The following SCLT1 variants were observed in gnomAD, a reference collection of about 807,000 sequenced individuals.
The protein encoded by SCLT1 is sodium channel-associated protein 1.
SCLT1 carries 78 observed loss-of-function variants against 112.8 expected under a neutral mutation model. The observed-to-expected ratio is 0.69, with a 90% CI of 0.58 to 0.83. SCLT1 has a LOEUF of 0.83. Ranked by LOEUF, SCLT1 falls within the 40% of genes least tolerant of loss-of-function variation. SCLT1 has a pLI of 0.00. For synonymous variants in SCLT1, 257 were observed against 254.7 expected, an observed-to-expected ratio of 1.01 and a Z score of -0.09; for missense variants, 747 against 770.4, an observed-to-expected ratio of 0.97 and a Z score of 0.36.
At chr4:129,074,564 C>G (rs903202321) in intron 2 of SCLT1, among the ~76,000 whole-genome samples, 4 of 151,900 alleles carry the variant, frequency 2.6e-5, no homozygotes, top group African/African-American at 7.3e-5. Context: ...ACTGAAATTG[C>G]CTAAAAAACA....
At chr4:128,940,896 AT>A (rs1737633424) in intron 17 of SCLT1, among the ~76,000 whole-genome samples, 1 of 152,080 alleles carries the variant, frequency 6.6e-6, no homozygotes, top group Admixed American at 6.6e-5. Flanking sequence ...TTATGACTGA[AT>A]TTTAGACTCT....
chr4:128,914,141 G>GGGCA (rs1735298407), intron 18 of SCLT1, among the ~76,000 whole-genome samples: 1 of 152,088 alleles, frequency 6.6e-6, no homozygotes, highest in Non-Finnish European at 1.5e-5. Context: ...CGAGGCAGGT[G>GGGCA]GATCATGAGG....
chr4:128,896,397 G>C (rs1221396097), intron 18 of SCLT1, among the ~76,000 whole-genome samples: 1 of 152,176 alleles, frequency 6.6e-6, no homozygotes, highest in African/African-American at 2.4e-5. Flanking sequence ...CTCTGCTGCT[G>C]ATACCCAGGC....
chr4:129,058,372 C>T (rs985619016), intron 2 of SCLT1, among the ~76,000 whole-genome samples: 1 of 151,900 alleles, frequency 6.6e-6, no homozygotes, highest in Non-Finnish European at 1.5e-5. Context: ...TATAAATTTA[C>T]CTCTTTTGCT....
intron 15 of SCLT1, 107 bp downstream of exon 15, chr4:128,948,389 T>C (rs1255769337): frequency 1.9e-6 from 1 of 531,924 alleles, no homozygotes; most frequent in Non-Finnish European, 2.7e-6. Flanking sequence ...ACCAGGACAA[T>C]ACTAACAAAT....
intron 18 of SCLT1, among the ~76,000 whole-genome samples, chr4:128,924,118 A>G (rs1736104571): frequency 6.6e-6 from 1 of 152,078 alleles, no homozygotes; most frequent in Admixed American, 6.5e-5. Flanking sequence ...TTAACTTTGC[A>G]GTAAAATTGT....
intron 18 of SCLT1, among the ~76,000 whole-genome samples, chr4:128,905,340 A>C (rs1457913950): frequency 6.6e-6 from 1 of 152,120 alleles, no homozygotes; most frequent in African/African-American, 2.4e-5. Flanking sequence ...TCTCCACTGA[A>C]GATAACCCTA....
intron 2 of SCLT1, among the ~76,000 whole-genome samples, chr4:129,068,555 G>GA (rs1302235932): frequency 1.3e-5 from 2 of 152,064 alleles, no homozygotes; most frequent in East Asian, 3.9e-4. Flanking sequence ...ATGTTTGTTG[G>GA]CCATTTGTAT....
chr4:129,083,728 T>C (rs964824741), intron 1 of SCLT1, among the ~76,000 whole-genome samples: 2 of 151,958 alleles, frequency 1.3e-5, no homozygotes, highest in Non-Finnish European at 2.9e-5. Context: ...TATTTTGAAG[T>C]GAACAATAGT....
intron 2 of SCLT1, among the ~76,000 whole-genome samples, chr4:129,063,570 AT>A (rs1750189718): frequency 1.3e-5 from 2 of 152,218 alleles, no homozygotes; most frequent in Admixed American, 6.5e-5. Flanking sequence ...ACAGCCAGCC[AT>A]GGGGAAGGAG....
Position 128,946,148 on chromosome 4 carries a change from T to C in SCLT1, c.1298A>G (p.Tyr433Cys), listed in dbSNP as rs770811437. Reference protein sequence around the residue: ...KAVEEELEKIYREGRGNESDY... With the variant: ...KAVEEELEKICREGRGNESDY... Reference sequence around the variant, plus strand: ...ACTCTCATTTCCTCTGCCTTCACGGTAAATCTGCAGAAAAGGCTTATTAGG... The same window carrying C: ...ACTCTCATTTCCTCTGCCTTCACGGCAAATCTGCAGAAAAGGCTTATTAGG... The change falls in exon 16 of 21, where the codon TAC becomes TGC. Residue 433 changes from tyrosine to cysteine, a missense_variant. This residue lies in a region of SCLT1 where 723 missense variants were observed against 721.3 expected (regional missense o/e 1.00). Coordinates refer to ENST00000281142, the MANE Select transcript of SCLT1 (RefSeq NM_144643.4). 5 of 1,601,052 alleles carry C rather than the reference T, an allele frequency of 3.1e-6. No individual in the cohort carries two copies. Among genetic ancestry groups the C allele is most frequent in the Admixed American group, 1.7e-5 (1 of 59,758 alleles).
intron 18 of SCLT1, among the ~76,000 whole-genome samples, chr4:128,900,406 G>C (rs1579320840): frequency 6.6e-6 from 1 of 151,656 alleles, no homozygotes; most frequent in African/African-American, 2.4e-5. Context: ...TGACAAACCT[G>C]AGAAAAACAA....
At chr4:129,037,358 T>A (rs1747274623) in intron 5 of SCLT1, 1 of 152,148 alleles carries the variant, frequency 6.6e-6, no homozygotes, top group Non-Finnish European at 1.5e-5. Flanking sequence ...AAGTTGTGGA[T>A]AAGATTAAAA....
chr4:129,059,058 T>C (rs757708101), intron 2 of SCLT1, among the ~76,000 whole-genome samples: 1 of 152,206 alleles, frequency 6.6e-6, no homozygotes, highest in Non-Finnish European at 1.5e-5. Context: ...TTTCCAGTTT[T>C]TGATTTAATG....
At chr4:129,043,020 C>A (rs917949402) in intron 4 of SCLT1, among the ~76,000 whole-genome samples, 1 of 152,040 alleles carries the variant, frequency 6.6e-6, no homozygotes, top group Admixed American at 6.5e-5. Flanking sequence ...TTGCAGAGAG[C>A]CGAGATCGCG....
intron 8 of SCLT1, among the ~76,000 whole-genome samples, chr4:128,994,050 T>C (rs993896963): frequency 3.3e-5 from 5 of 152,130 alleles, no homozygotes; most frequent in Non-Finnish European, 7.4e-5. Flanking sequence ...ACATGAGTTA[T>C]GCACTTTTAA....
chr4:129,073,657 T>C (rs796320131), intron 2 of SCLT1, among the ~76,000 whole-genome samples: 31 of 152,212 alleles, frequency 2.0e-4, no homozygotes, highest in African/African-American at 7.2e-4. Context: ...TCACTACTTA[T>C]AGATGCACAA....
intron 18 of SCLT1, among the ~76,000 whole-genome samples, chr4:128,899,947 A>G (rs964926976): frequency 6.6e-6 from 1 of 152,196 alleles, no homozygotes. Context: ...AGAATAAAAT[A>G]CCTAGGAATC....
chr4:128,915,394 A>C (rs1339546645), intron 18 of SCLT1, among the ~76,000 whole-genome samples: 1 of 152,216 alleles, frequency 6.6e-6, no homozygotes, highest in Non-Finnish European at 1.5e-5. Flanking sequence ...TGATTTTTAA[A>C]AACTATTTCA....
Sources: allele counts gnomAD v4.1 joint callset (sites outside exome capture counted in the v4.1 genomes callset), GRCh38; gene constraint gnomAD v4.1.1; regional missense constraint gnomAD v4.1.1; transcripts MANE v1.5; gene names NCBI Gene and HGNC (gene_info 2026-07-23, HGNC 2026-07-21).